PTBP3: variants seen among roughly 807,000 people sequenced by gnomAD.
The protein encoded by PTBP3 is polypyrimidine tract-binding protein 3.
In PTBP3, 20 loss-of-function variants were observed where a neutral mutation model predicts 58.7. The observed-to-expected ratio is 0.34, with a 90% CI of 0.24 to 0.50. The LOEUF is 0.50. PTBP3 is among the 20% of genes least tolerant of loss of function. The pLI, the probability that PTBP3 is intolerant of heterozygous loss-of-function variation, is 0.98. For missense variants in PTBP3, 509 were observed against 637.2 expected, an observed-to-expected ratio of 0.80 and a Z score of 2.17; for synonymous variants, 185 against 219.8, an observed-to-expected ratio of 0.84 and a Z score of 1.40.
At chr9:112,303,650 G>C (rs71503519) in intron 1 of PTBP3, among the ~76,000 whole-genome samples, 1 of 151,892 alleles carries the variant, frequency 6.6e-6, no homozygotes, top group African/African-American at 2.4e-5. Flanking sequence ...CAGATCATGA[G>C]GTCAGGAGTT....
intron 2 of PTBP3, among the ~76,000 whole-genome samples, chr9:112,295,802 C>G (rs566577520): frequency 6.6e-6 from 1 of 151,964 alleles, no homozygotes; most frequent in African/African-American, 2.4e-5. Flanking sequence ...AAAGATAATA[C>G]CAAAAAATGA....
chr9:112,301,972 G>A (rs1828954039), intron 1 of PTBP3, among the ~76,000 whole-genome samples: 1 of 152,116 alleles, frequency 6.6e-6, no homozygotes, highest in Admixed American at 6.6e-5. Context: ...TGAGAGTCCT[G>A]CTGTCTTCAC....
intron 2 of PTBP3, among the ~76,000 whole-genome samples, chr9:112,295,346 T>C (rs770171316): frequency 5.5e-4 from 84 of 151,448 alleles, no homozygotes; most frequent in Middle Eastern, 6.8e-3. Flanking sequence ...GCTCTAGCTG[T>C]CTCTGTTACA....
chr9:112,221,575 G>A lies in PTBP3; in HGVS notation c.*2276C>T. The stretch of plus-strand genomic sequence containing the variant: ...AAAAAAGCAAGTTTTGGGAGATTTT[G>A]CAAAGAAATTTTTTTCCTCCTTCAT... On this transcript the variant is annotated 3_prime_UTR_variant, in exon 14 of 14. Transcript: ENST00000374257. The A allele has an allele frequency of 1.0e-6, 1 of 985,508 alleles. No individual in the cohort carries two copies. The highest frequency in any genetic ancestry group is 1.2e-6 in the Non-Finnish European group (1 of 829,894). The allele number at this position is 985,508 out of a possible 1,614,324, so 61.0% of individuals were successfully genotyped here. A position where few individuals can be genotyped will look rare whatever the true frequency, so the allele number is the denominator to read the frequency against.
intron 7 of PTBP3, among the ~76,000 whole-genome samples, chr9:112,239,793 GGAA>G (rs1175522229): frequency 1.4e-4 from 19 of 137,742 alleles, no homozygotes; most frequent in African/African-American, 4.8e-4. Flanking sequence ...GGGGAGAGGA[GGAA>G]GAAGAAAAGG....
chr9:112,317,351 C>CCACCACTG (rs1242311147), intron 1 of PTBP3, among the ~76,000 whole-genome samples: 3 of 152,040 alleles, frequency 2.0e-5, no homozygotes, highest in African/African-American at 7.2e-5. Context: ...AGCCCAGGAT[C>CCACCACTG]CACCACTGCA....
At chr9:112,379,688 C>A in the PTBP3 span, among the ~76,000 whole-genome samples, 4 of 152,280 alleles carry the variant, frequency 2.6e-5, no homozygotes, top group South Asian at 2.1e-4. Flanking sequence ...GGCGTAGGGG[C>A]AAGAAGACCC....
chr9:112,352,554 C>T, the PTBP3 span, among the ~76,000 whole-genome samples: 6 of 152,284 alleles, frequency 3.9e-5, no homozygotes, highest in African/African-American at 1.2e-4. Flanking sequence ...CCTTCCTTAA[C>T]GTCTGAAAAT....
the PTBP3 span, among the ~76,000 whole-genome samples, chr9:112,342,200 C>A: frequency 6.6e-6 from 1 of 152,188 alleles, no homozygotes; most frequent in Non-Finnish European, 1.5e-5. Context: ...GCACCAGCAG[C>A]CTTCTAGTTT....
rs142541250 is a variant in PTBP3 at position 112,219,058 on chromosome 9, T to C, written c.*4793A>G. On this transcript the variant is annotated 3_prime_UTR_variant, in exon 14 of 14. Coordinates refer to ENST00000374257, the MANE Select transcript of PTBP3 (RefSeq NM_001163788.4). Reference sequence around the variant, plus strand: ...CTCACATTTTCTCTAAGTAGTCTATTCAGCAGTAGAAATTGAAAGTAAAGG... The same window carrying C: ...CTCACATTTTCTCTAAGTAGTCTATCCAGCAGTAGAAATTGAAAGTAAAGG... 1.3e-5 allele frequency: 2 copies of C among 152,724 alleles called. No individual in the cohort carries two copies. The highest frequency in any genetic ancestry group is 4.8e-5 in the African/African-American group (2 of 41,552). The allele number at this position is 152,724 out of a possible 1,614,324, so 9.5% of individuals were successfully genotyped here.
chr9:112,342,916 C>T, the PTBP3 span, among the ~76,000 whole-genome samples: 1 of 152,294 alleles, frequency 6.6e-6, no homozygotes, highest in South Asian at 2.1e-4. Context: ...TGAACTCAAA[C>T]TCCCATGCTC....
chr9:112,366,241 C>CTCT, the PTBP3 span, among the ~76,000 whole-genome samples: 4 of 151,308 alleles, frequency 2.6e-5, no homozygotes, highest in South Asian at 2.1e-4. Flanking sequence ...CAAGACACAC[C>CTCT]ATTGCACTCC....
intron 3 of PTBP3, among the ~76,000 whole-genome samples, chr9:112,273,833 T>C (rs1431944309): frequency 2.0e-5 from 3 of 152,226 alleles, no homozygotes; most frequent in Non-Finnish European, 2.9e-5. Flanking sequence ...AATCAGAATC[T>C]CCTGCTTAAG....
chr9:112,294,920 A>G (rs1828601707), intron 2 of PTBP3, among the ~76,000 whole-genome samples: 1 of 152,242 alleles, frequency 6.6e-6, no homozygotes, highest in African/African-American at 2.4e-5. Flanking sequence ...AATTAAGTTT[A>G]GCTGTATATA....
intron 1 of PTBP3, among the ~76,000 whole-genome samples, chr9:112,306,193 C>G (rs6477910): frequency 0.84 from 127,643 of 151,884 alleles, 53,928 homozygotes; most frequent in African/African-American, 0.92. Context: ...GAGACAAGGT[C>G]TCACTCTGTC....
At chr9:112,260,308 C>T (rs914931744) in intron 5 of PTBP3, among the ~76,000 whole-genome samples, 7 of 152,178 alleles carry the variant, frequency 4.6e-5, no homozygotes, top group African/African-American at 1.7e-4. Flanking sequence ...TGAGAGAGAA[C>T]ATCATCTTCA....
chr9:112,329,924 C>T (rs960057287), intron 1 of PTBP3, among the ~76,000 whole-genome samples: 1 of 149,108 alleles, frequency 6.7e-6, no homozygotes. Context: ...ACACTCACTG[C>T]AGCCTTGACT....
intron 7 of PTBP3, among the ~76,000 whole-genome samples, chr9:112,248,121 A>G (rs1275094787): frequency 2.0e-5 from 3 of 152,226 alleles, no homozygotes; most frequent in African/African-American, 4.8e-5. Flanking sequence ...ACTTTAGAAT[A>G]TAAGTAAATA....
At chr9:112,302,103 CA>C (rs1828960121) in intron 1 of PTBP3, among the ~76,000 whole-genome samples, 1 of 151,642 alleles carries the variant, frequency 6.6e-6, no homozygotes, top group South Asian at 2.1e-4. Flanking sequence ...ATAAGCAGAA[CA>C]AAAAGAAAAG....
Sources: allele counts gnomAD v4.1 joint callset (sites outside exome capture counted in the v4.1 genomes callset), GRCh38; gene constraint gnomAD v4.1.1; transcripts MANE v1.5; gene names NCBI Gene and HGNC (gene_info 2026-07-23, HGNC 2026-07-21).